ATXN7: variants seen among roughly 807,000 people sequenced by gnomAD.
The protein encoded by ATXN7 is ataxin-7.
Under a neutral mutation model 70.5 loss-of-function variants are expected in ATXN7, and 12 were observed. The ratio of observed to expected loss-of-function variants is 0.17; its 90% CI spans 0.11 to 0.28. The LOEUF is 0.28. Ranked by LOEUF, ATXN7 falls within the 10% of genes least tolerant of loss-of-function variation. ATXN7 has a pLI of 1.00. For missense variants in ATXN7, 1,256 were observed against 1,131.7 expected (o/e 1.11, Z -1.58); for synonymous variants, 498 against 448.7 (o/e 1.11, Z -1.39).
intron 1 of ATXN7, among the ~76,000 whole-genome samples, chr3:63,881,735 G>A (rs954430008): frequency 4.6e-5 from 7 of 152,146 alleles, no homozygotes; most frequent in South Asian, 2.1e-4. Flanking sequence ...TGATTTGCCC[G>A]CCTTGGCGTC....
upstream of ATXN7, chr3:63,863,553 T>A (rs1702291069): frequency 8.4e-7 from 1 of 1,195,754 alleles, no homozygotes. Context: ...AAGCCGAGGG[T>A]CTCCGAGGGG....
At chr3:63,872,967 G>A (rs1575832554) in intron 1 of ATXN7, among the ~76,000 whole-genome samples, 1 of 152,084 alleles carries the variant, frequency 6.6e-6, no homozygotes, top group African/African-American at 2.4e-5. Flanking sequence ...GTCTATACCA[G>A]TGTTTCTTAA....
chr3:63,864,351 G>A (rs1702336086), intron 1 of ATXN7, 193 bp downstream of exon 1: 1 of 152,166 alleles, frequency 6.6e-6, no homozygotes, highest in African/African-American at 2.4e-5. Context: ...ATCCGGCTGA[G>A]CCCAGGAGAG....
chr3:63,909,202 T>A (rs575917939), intron 2 of ATXN7, among the ~76,000 whole-genome samples: 3 of 152,222 alleles, frequency 2.0e-5, no homozygotes, highest in Admixed American at 6.5e-5. Context: ...TCATCAGAAA[T>A]GCACTGGCAG....
intron 1 of ATXN7, among the ~76,000 whole-genome samples, chr3:63,894,980 C>G (rs1253682943): frequency 1.4e-4 from 21 of 152,128 alleles, no homozygotes; most frequent in Admixed American, 1.4e-3. Flanking sequence ...CCTCCCCCAA[C>G]AAGCTCTGAA....
chr3:63,994,082 A>G (rs11715329), intron 11 of ATXN7, among the ~76,000 whole-genome samples: 2,064 of 152,230 alleles, frequency 0.014, 18 homozygotes, highest in Non-Finnish European at 0.019. Context: ...GAAATGACTG[A>G]TGTCTGTCCC....
At position 63,964,141 on chromosome 3, in the gene ATXN7, TCAAA is replaced by T. The variant is rs34740191; in HGVS notation, c.499+11662_499+11665del. On this transcript the variant is annotated intron_variant, in intron 5 of 12. Coordinates refer to ENST00000674280, the MANE Select transcript of ATXN7 (RefSeq NM_001377405.1). ...TTAATTTTAATTTGAAATAAATTCCTCAAACAACCACAAGTCTAGTAATACTTAA... is the reference window on the plus strand; with the variant it reads ...TTAATTTTAATTTGAAATAAATTCCTCAACCACAAGTCTAGTAATACTTAA... Among the ~76,000 whole-genome samples, 1,450 of 151,592 alleles carry T rather than the reference TCAAA, an allele frequency of 9.6e-3. 10 individuals carry two copies. Among genetic ancestry groups the T allele is most frequent in the Non-Finnish European group, 0.012 (801 of 67,932 alleles).
chr3:63,879,986 T>G (rs1702861416), intron 1 of ATXN7, among the ~76,000 whole-genome samples: 1 of 151,838 alleles, frequency 6.6e-6, no homozygotes, highest in Non-Finnish European at 1.5e-5. Flanking sequence ...CTCGGGAGGC[T>G]GAGGCAAGAG....
intron 1 of ATXN7, among the ~76,000 whole-genome samples, chr3:63,895,747 C>G (rs1703423054): frequency 6.6e-6 from 1 of 151,814 alleles, no homozygotes; most frequent in Non-Finnish European, 1.5e-5. Context: ...CTCTCTCTCT[C>G]TCTTTCTCTC....
chr3:63,976,809 C>CA (rs1333693406), intron 5 of ATXN7, among the ~76,000 whole-genome samples: 1 of 152,134 alleles, frequency 6.6e-6, no homozygotes, highest in African/African-American at 2.4e-5. Context: ...AGGGTTATGG[C>CA]ACAACACTCA....
chr3:63,954,312 G>A (rs1341801888), intron 5 of ATXN7, among the ~76,000 whole-genome samples: 1 of 152,198 alleles, frequency 6.6e-6, no homozygotes, highest in Non-Finnish European at 1.5e-5. Flanking sequence ...GGTGGCCCCG[G>A]ATTGGCAACA....
chr3:63,912,893 G>A lies in ATXN7; in HGVS notation c.295G>A (p.Val99Ile), dbSNP rs1559629425. The change falls in exon 3 of 13, where the codon GTT (valine) becomes ATT (isoleucine). Residue 99 changes from valine to isoleucine, a missense_variant. Val to Ile is a conservative substitution (Grantham distance 29). Transcript: ENST00000674280. Reference sequence around the variant, plus strand: ...GCTGGGACAGTCGTGGAATCTGTGGGTTGAGGCTTCCAAACTTCCTGGGAA... The same window carrying A: ...GCTGGGACAGTCGTGGAATCTGTGGATTGAGGCTTCCAAACTTCCTGGGAA... Reference protein sequence around the residue: ...VMLGQSWNLWVEASKLPGKDG... With the variant: ...VMLGQSWNLWIEASKLPGKDG... The A allele has an allele frequency of 3.1e-6, 5 of 1,613,492 alleles. No homozygotes were observed. Among genetic ancestry groups the A allele is most frequent in the South Asian group, 1.1e-5 (1 of 91,078 alleles).
chr3:63,989,371 G>T (rs2106783673), intron 9 of ATXN7, among the ~76,000 whole-genome samples: 1 of 152,298 alleles, frequency 6.6e-6, no homozygotes, highest in East Asian at 1.9e-4. Context: ...GAGGCTGTAG[G>T]CTATCCACAT....
chr3:63,889,287 AC>A (rs556303640), intron 1 of ATXN7, among the ~76,000 whole-genome samples: 12 of 152,232 alleles, frequency 7.9e-5, no homozygotes, highest in Non-Finnish European at 1.3e-4. Flanking sequence ...CAATGTTTAT[AC>A]CAAATAAAGT....
intron 1 of ATXN7, among the ~76,000 whole-genome samples, chr3:63,871,864 T>TA (rs141661643): frequency 0.058 from 8,667 of 149,748 alleles, 401 homozygotes; most frequent in African/African-American, 0.12. Flanking sequence ...TTTTTAAATT[T>TA]AAAAAAAAAA....
At chr3:63,920,104 C>A (rs959932955) in intron 4 of ATXN7, among the ~76,000 whole-genome samples, 3 of 151,936 alleles carry the variant, frequency 2.0e-5, no homozygotes, top group African/African-American at 4.8e-5. Context: ...TCTTTAGGCC[C>A]CATATCTTTA....
chr3:63,921,393 T>C (rs534868917), intron 4 of ATXN7, among the ~76,000 whole-genome samples: 150 of 152,358 alleles, frequency 9.8e-4, no homozygotes, highest in African/African-American at 2.5e-3. Context: ...CAGAAATAAT[T>C]TGGGGACTCC....
intron 5 of ATXN7, among the ~76,000 whole-genome samples, chr3:63,962,908 C>CTTTTTTT (rs71631179): frequency 1.5e-4 from 20 of 136,340 alleles, no homozygotes; most frequent in Non-Finnish European, 2.4e-4. Context: ...TTTTGTATTT[C>CTTTTTTT]TTTTTTTTTT....
At chr3:63,884,414 TAAATA>T (rs1339167474) in intron 1 of ATXN7, among the ~76,000 whole-genome samples, 2 of 151,952 alleles carry the variant, frequency 1.3e-5, no homozygotes. Context: ...AAAATAAATG[TAAATA>T]AAATATACAG....
Sources: gnomAD v4.1 joint callset for allele counts (sites outside exome capture counted in the v4.1 genomes callset) on GRCh38, gnomAD v4.1.1 for gene constraint, MANE v1.5 for transcripts, NCBI Gene and HGNC (gene_info 2026-07-23, HGNC 2026-07-21) for gene names.